The following KCNB2 variants were observed in gnomAD, a reference collection of about 807,000 sequenced individuals.
The protein encoded by KCNB2 is delayed rectifier potassium channel protein.
In KCNB2, 15 loss-of-function variants were observed where a neutral mutation model predicts 61.5. That is an observed-to-expected ratio of 0.24 (90% CI 0.16 to 0.38). The LOEUF is 0.38. Among genes scored for constraint, KCNB2 ranks in the 10% least tolerant of loss-of-function variants. The pLI, the probability that KCNB2 is intolerant of heterozygous loss-of-function variation, is 1.00. For missense variants in KCNB2, 828 were observed against 1,125.2 expected, an observed-to-expected ratio of 0.74 and a Z score of 3.78; for synonymous variants, 457 against 446.0, an observed-to-expected ratio of 1.02 and a Z score of -0.31.
intron 2 of KCNB2, among the ~76,000 whole-genome samples, chr8:72,670,800 A>G (rs1184379716): frequency 6.6e-6 from 1 of 152,122 alleles, no homozygotes; most frequent in Non-Finnish European, 1.5e-5. Flanking sequence ...GGCCCTAACC[A>G]CGTCCAGCCT....
chr8:72,863,456 C>T (rs530766409), intron 2 of KCNB2, among the ~76,000 whole-genome samples: 19 of 152,126 alleles, frequency 1.2e-4, no homozygotes, highest in African/African-American at 4.3e-4. Flanking sequence ...TATGCAAAAA[C>T]CCAGGTCAAC....
At chr8:72,909,142 G>A (rs1430516140) in intron 2 of KCNB2, among the ~76,000 whole-genome samples, 1 of 152,136 alleles carries the variant, frequency 6.6e-6, no homozygotes, top group African/African-American at 2.4e-5. Context: ...AAAAACAACA[G>A]CAAATAATCC....
chr8:72,764,700 G>T (rs1490753724), intron 2 of KCNB2, among the ~76,000 whole-genome samples: 1 of 152,168 alleles, frequency 6.6e-6, no homozygotes, highest in Non-Finnish European at 1.5e-5. Flanking sequence ...AAAGAAAACA[G>T]GCAATAGTAA....
At chr8:72,561,761 GGA>G (rs11469722) in intron 1 of KCNB2, among the ~76,000 whole-genome samples, 12,858 of 24,260 alleles carry the variant, frequency 0.53, 3,349 homozygotes, top group East Asian at 0.8. Flanking sequence ...ATATATATAT[GGA>G]TATATATATA....
chr8:72,843,558 T>C (rs530313913), intron 2 of KCNB2, among the ~76,000 whole-genome samples: 1 of 152,004 alleles, frequency 6.6e-6, no homozygotes, highest in Non-Finnish European at 1.5e-5. Context: ...CCACTCTTAT[T>C]GTGTGCAAGT....
intron 2 of KCNB2, among the ~76,000 whole-genome samples, chr8:72,625,495 A>C (rs894892204): frequency 6.6e-6 from 1 of 152,128 alleles, no homozygotes. Flanking sequence ...CAGTGGCGCA[A>C]TCACAGCTCA....
intron 2 of KCNB2, among the ~76,000 whole-genome samples, chr8:72,659,213 C>T (rs962156065): frequency 6.6e-6 from 1 of 152,084 alleles, no homozygotes; most frequent in Non-Finnish European, 1.5e-5. Flanking sequence ...TCAACATTAA[C>T]AGGAATTTGA....
chr8:72,900,600 G>A (rs1251843282), intron 2 of KCNB2, among the ~76,000 whole-genome samples: 2 of 152,036 alleles, frequency 1.3e-5, no homozygotes, highest in South Asian at 2.1e-4. Flanking sequence ...CTATGCATCT[G>A]ACAAAGATCT....
intron 2 of KCNB2, among the ~76,000 whole-genome samples, chr8:72,590,922 T>C (rs1484403253): frequency 6.6e-6 from 1 of 152,166 alleles, no homozygotes; most frequent in East Asian, 1.9e-4. Context: ...TTTCTTTTAA[T>C]TATAGTAGCT....
intron 2 of KCNB2, among the ~76,000 whole-genome samples, chr8:72,659,477 A>T (rs1431218905): frequency 6.6e-6 from 1 of 152,238 alleles, no homozygotes; most frequent in Non-Finnish European, 1.5e-5. Flanking sequence ...TTGATAATGC[A>T]GCATCAGGGT....
intron 2 of KCNB2, among the ~76,000 whole-genome samples, chr8:72,826,565 A>C (rs1284653862): frequency 6.6e-6 from 1 of 152,190 alleles, no homozygotes; most frequent in Non-Finnish European, 1.5e-5. Context: ...GCAGCATGGA[A>C]GATTAATTTA....
intron 2 of KCNB2, among the ~76,000 whole-genome samples, chr8:72,662,194 C>T (rs1806393028): frequency 6.6e-6 from 1 of 152,198 alleles, no homozygotes; most frequent in Non-Finnish European, 1.5e-5. Flanking sequence ...GGCAGCACTA[C>T]TGCCTCCTGG....
chr8:72,624,572 T>C (rs59285923), intron 2 of KCNB2, among the ~76,000 whole-genome samples: 1,642 of 152,260 alleles, frequency 0.011, 18 homozygotes, highest in African/African-American at 0.037. Flanking sequence ...CTAATTATAA[T>C]TGAATAATGG....
chr8:72,631,592 C>G (rs1053211743), intron 2 of KCNB2, among the ~76,000 whole-genome samples: 8 of 152,266 alleles, frequency 5.3e-5, no homozygotes, highest in Admixed American at 1.3e-4. Context: ...TGAATGAGGT[C>G]ACATTCTCAG....
At chr8:72,681,008 A>G (rs1169727405) in intron 2 of KCNB2, among the ~76,000 whole-genome samples, 1 of 152,206 alleles carries the variant, frequency 6.6e-6, no homozygotes, top group Non-Finnish European at 1.5e-5. Context: ...ACTGGGAGCC[A>G]AAGAAATAAA....
At chr8:72,687,420 C>G (rs558927109) in intron 2 of KCNB2, among the ~76,000 whole-genome samples, 2 of 152,166 alleles carry the variant, frequency 1.3e-5, no homozygotes, top group African/African-American at 4.8e-5. Context: ...TATTTTCAAG[C>G]TGGACCTGTC....
chr8:72,563,649 A>G (rs1161455582), intron 1 of KCNB2, among the ~76,000 whole-genome samples: 1 of 152,112 alleles, frequency 6.6e-6, no homozygotes, highest in Admixed American at 6.6e-5. Flanking sequence ...GGAAGGTAAG[A>G]GAAACCCACA....
intron 2 of KCNB2, among the ~76,000 whole-genome samples, chr8:72,885,297 T>C (rs948833278): frequency 1.3e-5 from 2 of 152,164 alleles, no homozygotes; most frequent in Non-Finnish European, 2.9e-5. Context: ...TACTTTCTTG[T>C]TCACTTTTAG....
chr8:72,551,466 TA>T (rs1273163488), intron 1 of KCNB2, among the ~76,000 whole-genome samples: 5 of 152,130 alleles, frequency 3.3e-5, no homozygotes, highest in Non-Finnish European at 7.3e-5. Context: ...TGTTTTCTGT[TA>T]CAATTTCTGG....
Sources: gnomAD v4.1 joint callset for allele counts (sites outside exome capture counted in the v4.1 genomes callset) on GRCh38, gnomAD v4.1.1 for gene constraint, MANE v1.5 for transcripts, NCBI Gene and HGNC (gene_info 2026-07-23, HGNC 2026-07-21) for gene names.